KCNK2: variants seen among roughly 807,000 people sequenced by gnomAD.
The protein encoded by KCNK2 is potassium channel subfamily K member 2.
In KCNK2, 21 loss-of-function variants were observed where a neutral mutation model predicts 40.5. That is an observed-to-expected ratio of 0.52 (90% CI 0.37 to 0.75). The LOEUF is 0.75. KCNK2 is among the 30% of genes least tolerant of loss of function. The pLI is 0.00. For missense variants in KCNK2, 399 were observed against 531.6 expected (o/e 0.75, Z 2.45); for synonymous variants, 191 against 202.2 (o/e 0.94, Z 0.47).
intron 2 of KCNK2, among the ~76,000 whole-genome samples, chr1:215,118,548 C>G (rs1171854667): frequency 6.9e-6 from 1 of 145,662 alleles, no homozygotes. Flanking sequence ...ACTGGCTTCC[C>G]CCGCAAAGAA....
intron 3 of KCNK2, among the ~76,000 whole-genome samples, chr1:215,166,160 A>G (rs1195140157): frequency 1.3e-5 from 2 of 152,128 alleles, no homozygotes; most frequent in East Asian, 3.9e-4. Context: ...TTGAGATGAC[A>G]GAGACATAGA....
chr1:215,036,277 A>C (rs181302675), intron 1 of KCNK2, among the ~76,000 whole-genome samples: 9 of 151,796 alleles, frequency 5.9e-5, no homozygotes, highest in African/African-American at 2.2e-4. Flanking sequence ...TTGTTCCAGC[A>C]CTATTTGTTG....
At chr1:215,078,229 A>G (rs894536571), upstream of KCNK2, among the ~76,000 whole-genome samples, 3 of 152,206 alleles carry the variant, frequency 2.0e-5, no homozygotes, top group Non-Finnish European at 4.4e-5. Flanking sequence ...CGCAGGCTGG[A>G]CAAGATTGTA....
intron 2 of KCNK2, among the ~76,000 whole-genome samples, chr1:215,092,351 G>A (rs1292250728): frequency 1.3e-5 from 2 of 152,048 alleles, no homozygotes; most frequent in African/African-American, 2.4e-5. Flanking sequence ...TGGGCATAAT[G>A]TCAGGAGCTT....
At chr1:215,169,421 CT>C (rs1410746888) in intron 4 of KCNK2, 62 bp downstream of exon 4, 2 of 1,296,900 alleles carry the variant, frequency 1.5e-6, no homozygotes, top group African/African-American at 1.5e-5. Flanking sequence ...AAAATTATAT[CT>C]TTTCTGTCAC....
chr1:215,030,329 T>C (rs1225342377), intron 1 of KCNK2, among the ~76,000 whole-genome samples: 2 of 152,126 alleles, frequency 1.3e-5, no homozygotes, highest in African/African-American at 2.4e-5. Context: ...CCATTGCAAA[T>C]ATTTTCTCCC....
At chr1:215,027,039 C>CT (rs1329177651) in intron 1 of KCNK2, among the ~76,000 whole-genome samples, 1 of 151,642 alleles carries the variant, frequency 6.6e-6, no homozygotes, top group Non-Finnish European at 1.5e-5. Context: ...TCTCCTCTTT[C>CT]TTTTTCCAAG....
intron 6 of KCNK2, among the ~76,000 whole-genome samples, chr1:215,204,037 CAAAAAAAAA>C (rs71167813): frequency 0.015 from 775 of 53,172 alleles, 15 homozygotes; most frequent in African/African-American, 0.079. Flanking sequence ...GACTCCGTCT[CAAAAAAAAA>C]AAAAAAAAAA....
chr1:215,058,432 C>T (rs1045898835), intron 1 of KCNK2, among the ~76,000 whole-genome samples: 1 of 152,050 alleles, frequency 6.6e-6, no homozygotes, highest in East Asian at 1.9e-4. Context: ...ATTCGTGATT[C>T]CTCTTTCTCT....
intron 1 of KCNK2, among the ~76,000 whole-genome samples, chr1:215,066,189 C>T (rs1049076649): frequency 2.0e-5 from 3 of 152,190 alleles, no homozygotes; most frequent in Middle Eastern, 3.4e-3. Context: ...GGATACAGCA[C>T]ACCACTATGG....
intron 3 of KCNK2, among the ~76,000 whole-genome samples, chr1:215,148,413 G>A (rs12136220): frequency 5.3e-5 from 8 of 151,582 alleles, no homozygotes; most frequent in Non-Finnish European, 8.8e-5. Context: ...AAATATGTAC[G>A]TATCAATAAT....
chr1:215,079,263 T>G (rs1659057965), upstream of KCNK2, among the ~76,000 whole-genome samples: 1 of 152,162 alleles, frequency 6.6e-6, no homozygotes, highest in Admixed American at 6.5e-5. Context: ...TATTGCATTG[T>G]TATAAAGGAC....
intron 3 of KCNK2, among the ~76,000 whole-genome samples, chr1:215,132,665 T>A (rs2102591098): frequency 6.6e-6 from 1 of 152,348 alleles, no homozygotes; most frequent in South Asian, 2.1e-4. Context: ...TCTACTTAAA[T>A]TAATGAAAAC....
chr1:215,125,774 AT>A (rs1558102839), intron 3 of KCNK2, among the ~76,000 whole-genome samples: 930 of 88,462 alleles, frequency 0.011, 7 homozygotes, highest in Non-Finnish European at 0.02. Context: ...ATATATATAT[AT>A]ATAAAATAAA....
intron 6 of KCNK2, among the ~76,000 whole-genome samples, chr1:215,201,246 C>T (rs61818352): frequency 0.1 from 15,196 of 151,936 alleles, 1,303 homozygotes; most frequent in African/African-American, 0.24. Context: ...ATCATATTGG[C>T]TAAAGAAAAT....
rs150746711 is a variant in KCNK2, at chr1:215,135,971, G to T, written c.475+11221G>T. Among the ~76,000 whole-genome samples the T allele has an allele frequency of 7.9e-3, 1,209 of 152,216 alleles. 15 individuals carry two copies. The highest frequency in any genetic ancestry group is 0.028 in the African/African-American group (1,166 of 41,520). On this transcript the variant is annotated intron_variant, in intron 3 of 6. Transcript: ENST00000444842. The stretch of plus-strand genomic sequence containing the variant: ...GATGTTCTCAATCTCTTGACCTCAT[G>T]ATCCACCCACCTCAGCCTCCCGAAG...
intron 1 of KCNK2, among the ~76,000 whole-genome samples, chr1:215,040,771 A>G (rs1657535699): frequency 6.6e-6 from 1 of 152,154 alleles, no homozygotes; most frequent in Non-Finnish European, 1.5e-5. Context: ...TCAACTTTCA[A>G]TGCCCAGCAG....
chr1:215,102,018 G>T (rs1660243058), intron 2 of KCNK2, among the ~76,000 whole-genome samples: 2 of 151,830 alleles, frequency 1.3e-5, no homozygotes, highest in African/African-American at 4.8e-5. Flanking sequence ...TATAATAGTT[G>T]TGCGTATCTT....
intron 1 of KCNK2, among the ~76,000 whole-genome samples, chr1:215,068,732 C>T (rs1459759601): frequency 6.6e-6 from 1 of 152,094 alleles, no homozygotes; most frequent in African/African-American, 2.4e-5. Context: ...AAGGGACATC[C>T]CTGGTAAATC....
Sources: allele counts gnomAD v4.1 joint callset (sites outside exome capture counted in the v4.1 genomes callset), GRCh38; gene constraint gnomAD v4.1.1; transcripts MANE v1.5; gene names NCBI Gene and HGNC (gene_info 2026-07-23, HGNC 2026-07-21).